Variants in CCNJL observed in about 807,000 individuals in gnomAD.
CCNJL encodes the protein cyclin-J-like protein.
Under a neutral mutation model 33.4 loss-of-function variants are expected in CCNJL, and 33 were observed. The ratio of observed to expected loss-of-function variants is 0.99; its 90% CI spans 0.75 to 1.32. The LOEUF (loss-of-function observed/expected upper bound fraction) is 1.32, where lower values mean the gene tolerates loss of function less well. Among genes scored for constraint, CCNJL ranks in the 40% most tolerant of loss-of-function variants. The pLI, the probability that CCNJL is intolerant of heterozygous loss-of-function variation, is 0.00. For missense variants in CCNJL, 512 were observed against 499.7 expected, an observed-to-expected ratio of 1.02 and a Z score of -0.23; for synonymous variants, 227 against 220.9, an observed-to-expected ratio of 1.03 and a Z score of -0.24.
chr5:160,317,205 A>G (rs970259574), upstream of CCNJL, among the ~76,000 whole-genome samples: 1 of 152,250 alleles, frequency 6.6e-6, no homozygotes, highest in African/African-American at 2.4e-5. Context: ...ATGATCCTTG[A>G]CTACAAGTTC....
chr5:160,263,580 A>T (rs773187169), intron 3 of CCNJL, among the ~76,000 whole-genome samples: 1 of 152,226 alleles, frequency 6.6e-6, no homozygotes, highest in African/African-American at 2.4e-5. Flanking sequence ...ACAGGCAAGC[A>T]AATGACAGAA....
At chr5:160,335,038 A>G (rs1349779618) in intron 1 of CCNJL, among the ~76,000 whole-genome samples, 3 of 152,244 alleles carry the variant, frequency 2.0e-5, no homozygotes, top group African/African-American at 4.8e-5. Context: ...CAAGGTGGGC[A>G]GATCACTTGA....
intron 3 of CCNJL, among the ~76,000 whole-genome samples, chr5:160,269,209 G>A (rs1761729100): frequency 6.6e-6 from 1 of 152,216 alleles, no homozygotes; most frequent in Non-Finnish European, 1.5e-5. Context: ...AGGAGAAACT[G>A]CTGTGATGAC....
At chr5:160,311,803 G>T in intron 2 of CCNJL, 55 bp downstream of exon 2, 1 of 1,540,822 alleles carries the variant, frequency 6.5e-7, no homozygotes, top group Non-Finnish European at 9.0e-7. Context: ...ACGAAGTCGA[G>T]ACCGAAGGAG....
chr5:160,329,382 G>A (rs1397073861), intron 1 of CCNJL, among the ~76,000 whole-genome samples: 2 of 142,108 alleles, frequency 1.4e-5, no homozygotes, highest in African/African-American at 5.3e-5. Flanking sequence ...ACAGAGTCTC[G>A]CTCTGTTGCC....
At chr5:160,272,647 G>A (rs1243194713) in intron 3 of CCNJL, among the ~76,000 whole-genome samples, 1 of 152,170 alleles carries the variant, frequency 6.6e-6, no homozygotes. Flanking sequence ...TTTCTGGAAG[G>A]CAGCTGTGCT....
chr5:160,318,328 C>G (rs1181860116), intron 1 of CCNJL, among the ~76,000 whole-genome samples: 1 of 152,194 alleles, frequency 6.6e-6, no homozygotes, highest in Admixed American at 6.5e-5. Context: ...TGTCTTCTTA[C>G]AAGGACACCG....
rs1184810015 is a variant in CCNJL at position 160,282,974 on chromosome 5, T to TATAC, written c.67-2237_67-2236insGTAT. Among the ~76,000 whole-genome samples the TATAC allele has an allele frequency of 2.5e-3, 116 of 45,940 alleles. 3 individuals are homozygous for TATAC. Among genetic ancestry groups the TATAC allele is most frequent in the South Asian group, 7.4e-3 (8 of 1,076 alleles). The allele number at this position is 45,940 out of a possible 152,430, so 30.1% of individuals were successfully genotyped here. On this transcript the variant is annotated intron_variant, in intron 2 of 5. Transcript: ENST00000257536. ...GCCATTCCAGTCCTTGGAATATATA[T>TATAC]ATATATATATATATATATATATATA... is the stretch of plus-strand genomic sequence containing the variant.
At chr5:160,294,039 C>A (rs769970295) in intron 2 of CCNJL, among the ~76,000 whole-genome samples, 1 of 152,080 alleles carries the variant, frequency 6.6e-6, no homozygotes, top group Non-Finnish European at 1.5e-5. Flanking sequence ...TGTCTAAGAA[C>A]AAAGAACCGC....
chr5:160,269,550 C>A (rs1326860390), intron 3 of CCNJL: 3 of 453,036 alleles, frequency 6.6e-6, no homozygotes, highest in East Asian at 1.4e-4. Context: ...CCGACCTATG[C>A]GGGGAACAGG....
chr5:160,314,385 G>A (rs535628462), upstream of CCNJL, among the ~76,000 whole-genome samples: 11 of 152,292 alleles, frequency 7.2e-5, no homozygotes, highest in Admixed American at 4.6e-4. Flanking sequence ...AGTATAAACG[G>A]CTAAATTATT....
At chr5:160,286,400 G>A (rs1453588603) in intron 2 of CCNJL, among the ~76,000 whole-genome samples, 1 of 152,196 alleles carries the variant, frequency 6.6e-6, no homozygotes, top group Non-Finnish European at 1.5e-5. Flanking sequence ...CACTGTGGGA[G>A]GCCAAGGTGG....
chr5:160,267,249 C>T (rs1234666502), intron 3 of CCNJL, among the ~76,000 whole-genome samples: 2 of 152,148 alleles, frequency 1.3e-5, no homozygotes, highest in Non-Finnish European at 1.5e-5. Flanking sequence ...GTGAACTGTG[C>T]TTGCTGTGCC....
chr5:160,311,920 T>C lies in CCNJL; in HGVS notation c.4A>G (p.Met2Val), dbSNP rs1763274901. The change falls in exon 2 of 6, where the codon ATG becomes GTG. Residue 2 changes from methionine (M) to valine (V), a missense_variant. Met to Val is a conservative substitution (Grantham distance 21, BLOSUM62 1). Transcript: ENST00000257536. MMDEPWWEGRVA... is the reference protein window; with the variant it reads MVDEPWWEGRVA... ...CGCCCTTCCCACCACGGCTCATCCATCATCGCGTACGCAGCGCCGCTATCC... is the reference window on the plus strand; with the variant it reads ...CGCCCTTCCCACCACGGCTCATCCACCATCGCGTACGCAGCGCCGCTATCC... 1 of 1,614,004 alleles carries C rather than the reference T, an allele frequency of 6.2e-7. No homozygotes were observed. The highest frequency in any genetic ancestry group is 8.5e-7 in the Non-Finnish European group (1 of 1,179,946).
intron 1 of CCNJL, among the ~76,000 whole-genome samples, chr5:160,332,251 G>T (rs1314099365): frequency 1.3e-5 from 2 of 151,954 alleles, no homozygotes; most frequent in Non-Finnish European, 2.9e-5. Flanking sequence ...TTCTTTTATT[G>T]AGGACACACT....
At position 160,288,198 on chromosome 5, in the gene CCNJL, G is replaced by A. The variant is rs189627929; in HGVS notation, c.67-7460C>T. Among the ~76,000 whole-genome samples, 3 of 151,444 alleles carry A rather than the reference G, an allele frequency of 2.0e-5. No homozygotes were observed. The East Asian group carries it at 5.8e-4, about 29-fold the overall frequency. ...TCAAAATATTAACAGTGGCTACGGAGGAGAGGTCGGGATGGGCACTGAGAT... is the reference window on the plus strand; with the variant it reads ...TCAAAATATTAACAGTGGCTACGGAAGAGAGGTCGGGATGGGCACTGAGAT... On this transcript the variant is annotated intron_variant, in intron 2 of 5. Transcript: ENST00000257536.
chr5:160,307,136 T>A (rs1763119209), intron 2 of CCNJL, among the ~76,000 whole-genome samples: 1 of 152,018 alleles, frequency 6.6e-6, no homozygotes, highest in Non-Finnish European at 1.5e-5. Flanking sequence ...CCCAGAAGAG[T>A]CCATTTGGGG....
At position 160,249,247 on chromosome 5, in the gene CCNJL, T is replaced by C. The variant is rs941275301; in HGVS notation, c.*4131A>G. ...TCTATGGTCAGTTGTGGAATAGGTC[T>C]GTTTCTATATGCACATGTAACCCAA... On this transcript the variant is annotated 3_prime_UTR_variant, in exon 6 of 6. Coordinates refer to ENST00000257536, the MANE Select transcript of CCNJL (RefSeq NM_001308173.3). 3 of 152,224 alleles carry C rather than the reference T, an allele frequency of 2.0e-5. No homozygotes were observed. Among genetic ancestry groups the C allele is most frequent in the African/African-American group, 7.2e-5 (3 of 41,462 alleles). 9.4% of individuals were successfully genotyped at this position (152,224 alleles called of 1,614,324 possible). A position where few individuals can be genotyped will look rare whatever the true frequency, so the allele number is the denominator to read the frequency against.
chr5:160,279,812 T>C (rs1580978330), intron 3 of CCNJL, among the ~76,000 whole-genome samples: 1 of 152,200 alleles, frequency 6.6e-6, no homozygotes, highest in Non-Finnish European at 1.5e-5. Flanking sequence ...GGTTGGTCTT[T>C]AACCTAAGAC....
Sources: gnomAD v4.1 joint callset for allele counts (sites outside exome capture counted in the v4.1 genomes callset) on GRCh38, gnomAD v4.1.1 for gene constraint, MANE v1.5 for transcripts, NCBI Gene and HGNC (gene_info 2026-07-23, HGNC 2026-07-21) for gene names.